The following ARHGEF12 variants were observed in gnomAD, a reference collection of about 807,000 sequenced individuals.
ARHGEF12 encodes the protein Rho guanine nucleotide exchange factor 12.
ARHGEF12 carries 66 observed loss-of-function variants against 211.2 expected under a neutral mutation model. The observed-to-expected ratio is 0.31, with a 90% CI of 0.26 to 0.38. ARHGEF12 has a LOEUF of 0.38. Ranked by LOEUF, ARHGEF12 falls within the 10% of genes least tolerant of loss-of-function variation. The pLI is 1.00. For synonymous variants in ARHGEF12, 592 were observed against 638.4 expected, an observed-to-expected ratio of 0.93 and a Z score of 1.09; for missense variants, 1,429 against 1,869.5, an observed-to-expected ratio of 0.76 and a Z score of 4.34.
intron 1 of ARHGEF12, among the ~76,000 whole-genome samples, chr11:120,344,337 G>T (rs1251707978): frequency 1.4e-5 from 2 of 146,410 alleles, no homozygotes; most frequent in Non-Finnish European, 3.0e-5. Flanking sequence ...ACCTGAAATT[G>T]ATCTTGTAAT....
In ARHGEF12 at chr11:120,431,981, T is replaced by C. The variant is rs1945556298; in HGVS notation, c.924+70T>C. 4.9e-6 allele frequency: 7 copies of C among 1,426,032 alleles called. 1 individual carries two copies. The allele number at this position is 1,426,032 out of a possible 1,614,324, so 88.3% of individuals were successfully genotyped here. A position where few individuals can be genotyped will look rare whatever the true frequency, so the allele number is the denominator to read the frequency against. On this transcript the variant is annotated intron_variant, in intron 11 of 40. Coordinates refer to ENST00000397843, the MANE Select transcript of ARHGEF12 (RefSeq NM_015313.3). The stretch of plus-strand genomic sequence containing the variant: ...TTACAGCCCCTTTCTAGATTTGATT[T>C]TAAGTGATGTGAATTAGAGGTGTCT...
chr11:120,365,702 C>G (rs952289550), intron 1 of ARHGEF12: 1 of 152,046 alleles, frequency 6.6e-6, no homozygotes, highest in Non-Finnish European at 1.5e-5. Context: ...CATCTGTCAC[C>G]CTATGGATTG....
chr11:120,475,206 G>A (rs1946992980), intron 32 of ARHGEF12, 134 bp from the exon 33 acceptor site: 1 of 748,932 alleles, frequency 1.3e-6, no homozygotes, highest in Non-Finnish European at 2.1e-6. Context: ...AATTTTAAAA[G>A]ATAATATACA....
At chr11:120,366,789 C>T (rs973667009) in intron 1 of ARHGEF12, among the ~76,000 whole-genome samples, 4 of 152,180 alleles carry the variant, frequency 2.6e-5, no homozygotes, top group African/African-American at 7.2e-5. Context: ...CCGAGGTGGG[C>T]GGATCATTTG....
intron 5 of ARHGEF12, 93 bp from the exon 6 acceptor site, chr11:120,421,710 G>A: frequency 1.6e-6 from 2 of 1,222,456 alleles, no homozygotes; most frequent in South Asian, 1.3e-5. Flanking sequence ...GACAGCCCAT[G>A]TTTTTAACCA....
intron 30 of ARHGEF12, among the ~76,000 whole-genome samples, chr11:120,471,736 A>G (rs1198051747): frequency 6.6e-6 from 1 of 152,236 alleles, no homozygotes; most frequent in Non-Finnish European, 1.5e-5. Context: ...GGATGAATAA[A>G]TAGATATATG....
At chr11:120,450,166 T>C (rs1264423386) in intron 21 of ARHGEF12, 1 of 151,918 alleles carries the variant, frequency 6.6e-6, no homozygotes, top group African/African-American at 2.4e-5. Flanking sequence ...AGCCTGGGAG[T>C]TCGAGACCAG....
rs932395014 is a variant in ARHGEF12, at chr11:120,350,725, GT to G, written c.32+13452del. Among the ~76,000 whole-genome samples the G allele has an allele frequency of 3.9e-5, 6 of 152,274 alleles. No individual in the cohort carries two copies. The South Asian group carries it at 1.0e-3, about 26-fold the overall frequency. On this transcript the variant is annotated intron_variant, in intron 1 of 40. Coordinates refer to ENST00000397843, the MANE Select transcript of ARHGEF12 (RefSeq NM_015313.3). ...CAAAATGGAAAAGACATTGGTGTAA[GT>G]TGGAATCTAAGAAGTTTTAGATGTT...
At chr11:120,483,340 A>C (rs55996534) in intron 39 of ARHGEF12, among the ~76,000 whole-genome samples, 4 of 140,866 alleles carry the variant, frequency 2.8e-5, no homozygotes, top group African/African-American at 1.1e-4. Context: ...GGCTCACTGC[A>C]ACCTCTGCCT....
Position 120,361,251 on chromosome 11 carries a change from C to T in ARHGEF12, c.32+23976C>T, listed in dbSNP as rs550078390. ...AAGAGCATTACTGCCTGAGCTCCAC[C>T]TCCTGTCAGATTGCTGGGGACGCAT... is the stretch of plus-strand genomic sequence containing the variant. On this transcript the variant is annotated intron_variant, in intron 1 of 40. Transcript: ENST00000397843. Among the ~76,000 whole-genome samples the T allele has an allele frequency of 9.9e-5, 15 of 152,198 alleles. No individual in the cohort carries two copies. The East Asian group carries it at 2.9e-3, about 29-fold the overall frequency.
intron 1 of ARHGEF12, among the ~76,000 whole-genome samples, chr11:120,392,871 T>G (rs1390725619): frequency 2.0e-5 from 3 of 152,232 alleles, no homozygotes; most frequent in African/African-American, 7.2e-5. Flanking sequence ...TTGGCTTTTT[T>G]GGAACCAATT....
At chr11:120,459,521 G>C (rs945480849) in intron 26 of ARHGEF12, among the ~76,000 whole-genome samples, 12 of 152,058 alleles carry the variant, frequency 7.9e-5, no homozygotes, top group Non-Finnish European at 1.3e-4. Context: ...TCAACATAGG[G>C]CTTCCAGTCT....
chr11:120,437,206 A>G (rs1487552033), intron 11 of ARHGEF12, 102 bp from the exon 12 acceptor site: 2 of 728,258 alleles, frequency 2.7e-6, no homozygotes, highest in Non-Finnish European at 4.4e-6. Flanking sequence ...AGTTGTAAAT[A>G]CAAATATGAA....
At chr11:120,474,877 T>C (rs1051506350) in intron 32 of ARHGEF12, among the ~76,000 whole-genome samples, 55 of 152,238 alleles carry the variant, frequency 3.6e-4, no homozygotes, top group African/African-American at 1.2e-3. Context: ...TCTTATAGTC[T>C]AGTGAGTCTT....
rs1944693502 is a variant in ARHGEF12 at position 120,406,034 on chromosome 11, C to T, written c.33-84C>T. On this transcript the variant is annotated intron_variant, in intron 1 of 40. Coordinates refer to ENST00000397843, the MANE Select transcript of ARHGEF12 (RefSeq NM_015313.3). ...TACCATAAGATTTAAATCTCTTATT[C>T]TGGTTCAGTAGGATGAATAAATTTA... 4 of 1,024,542 alleles carry T rather than the reference C, an allele frequency of 3.9e-6. No homozygotes were observed. The African/African-American group carries it at 5.0e-5, about 13-fold the overall frequency. 63.5% of individuals were successfully genotyped at this position (1,024,542 alleles called of 1,614,324 possible).
In ARHGEF12 at chr11:120,480,154, G is replaced by A; in HGVS notation, c.3961G>A (p.Asp1321Asn). 1.2e-6 allele frequency: 2 copies of A among 1,614,238 alleles called. No homozygotes were observed. The highest frequency in any genetic ancestry group is 1.7e-6 in the Non-Finnish European group (2 of 1,180,036). ...TATGCCCTTTAGAACTGGAACTGGT[G>A]ACATTGCAACTTGTTACAGTCCACG... ...GHMPFRTGTG[D>N]IATCYSPRTS... Residue 1321 changes from aspartate to asparagine, a missense_variant, in exon 38 of 41, where the codon GAC becomes AAC. By Grantham distance (23) the Asp-to-Asn change is conservative (BLOSUM62 1). Transcript: ENST00000397843.
intron 1 of ARHGEF12, among the ~76,000 whole-genome samples, chr11:120,346,148 T>C (rs536253182): frequency 5.1e-4 from 77 of 152,358 alleles, no homozygotes; most frequent in African/African-American, 1.5e-3. Context: ...TTTAAAAATA[T>C]ATACCAGCCT....
chr11:120,440,165 A>G lies in ARHGEF12; in HGVS notation c.1036A>G (p.Ile346Val), dbSNP rs1945827900. ...ACTTGTCGGAAGTCCCTCAACCCGT[A>G]TAGCACCTCATATTATTGGAGCAGA... Reference protein sequence around the residue: ...QSLVGSPSTRIAPHIIGAEDD... With the variant: ...QSLVGSPSTRVAPHIIGAEDD... Residue 346 changes from isoleucine to valine, a missense_variant, in exon 13 of 41, where the codon ATA becomes GTA. By Grantham distance (29) the Ile-to-Val change is conservative. This residue lies in a region of ARHGEF12 where 254 missense variants were observed against 286.4 expected (regional missense o/e 0.89). Coordinates refer to ENST00000397843, the MANE Select transcript of ARHGEF12 (RefSeq NM_015313.3). 1 of 1,613,980 alleles carries G rather than the reference A, an allele frequency of 6.2e-7. No homozygotes were observed. The highest frequency in any genetic ancestry group is 1.1e-5 in the South Asian group (1 of 91,072).
intron 1 of ARHGEF12, among the ~76,000 whole-genome samples, chr11:120,397,039 A>G (rs1379908244): frequency 6.6e-6 from 1 of 152,248 alleles, no homozygotes; most frequent in Non-Finnish European, 1.5e-5. Context: ...TTAACAAAAT[A>G]CAAATTCTCC....
Sources: gnomAD v4.1 joint callset for allele counts (sites outside exome capture counted in the v4.1 genomes callset) on GRCh38, gnomAD v4.1.1 for gene constraint, gnomAD v4.1.1 regional missense constraint, MANE v1.5 for transcripts, NCBI Gene and HGNC (gene_info 2026-07-23, HGNC 2026-07-21) for gene names.